Variants in ANKHD1 observed in about 807,000 individuals in gnomAD.
ANKHD1 encodes the protein ankyrin repeat and KH domain containing 1.
In ANKHD1, 31 loss-of-function variants were observed where a neutral mutation model predicts 230.5. The observed-to-expected ratio is 0.13, with a 90% confidence interval of 0.10 to 0.18. The LOEUF (loss-of-function observed/expected upper bound fraction) is 0.18. Among genes scored for constraint, ANKHD1 ranks in the 10% least tolerant of loss-of-function variants. The probability of loss-of-function intolerance (pLI) is 1.00; values close to 1 mark genes in which losing one functional copy is unlikely to be tolerated. For synonymous variants in ANKHD1, 1,074 were observed against 1,117.6 expected (o/e 0.96, Z 0.78); for missense variants, 2,256 against 3,071.3 (o/e 0.73, Z 6.27).
At position 140,527,047 on chromosome 5, in the gene ANKHD1, A is replaced by C; in HGVS notation, c.5060A>C (p.Glu1687Ala). Reference sequence around the variant, plus strand: ...AGCCCTAAAAGGGGTCAGAAAAGAGAAGAAGGGTGGAAAGAAGTTGTACGA... The same window carrying C: ...AGCCCTAAAAGGGGTCAGAAAAGAGCAGAAGGGTGGAAAGAAGTTGTACGA... The part of the protein sequence containing the change: ...LTSPKRGQKR[E>A]EGWKEVVRRS... Residue 1687 changes from glutamate to alanine, a missense_variant, in exon 27 of 34, where the codon GAA becomes GCA. Coordinates refer to ENST00000360839, the MANE Select transcript of ANKHD1 (RefSeq NM_017747.3). This position sits in a 1 kb window ranked among gnomAD's most constrained non-coding sequence, Gnocchi z 4.5. The C allele has an allele frequency of 6.2e-7, 1 of 1,613,274 alleles. No individual in the cohort carries two copies. The highest frequency in any genetic ancestry group is 8.5e-7 in the Non-Finnish European group (1 of 1,179,678).
In ANKHD1 at chr5:140,529,052, C is replaced by T; in HGVS notation, c.6106C>T (p.Gln2036Ter). 1 of 1,614,004 alleles carries T rather than the reference C, an allele frequency of 6.2e-7. No individual in the cohort carries two copies. ...PTKEKVSTQD[Q>*]PMANLCTPSS... ...CAAAGAGAAAGTGTCCACACAGGAC[C>T]AGCCCATGGCAAACCTATGTACCCC... The change falls in exon 29 of 34, where the codon CAG becomes TAG. Residue 2036 changes from glutamine (Q) to a stop codon, truncating the protein, a stop_gained. Coordinates refer to ENST00000360839, the MANE Select transcript of ANKHD1 (RefSeq NM_017747.3). LOFTEE classifies it high-confidence loss of function.
chr5:140,449,303 A>G lies in ANKHD1; in HGVS notation c.1240A>G (p.Met414Val), dbSNP rs761891561. 6 of 1,612,582 alleles carry G rather than the reference A, an allele frequency of 3.7e-6. No individual in the cohort carries two copies. The highest frequency in any genetic ancestry group is 5.1e-6 in the Non-Finnish European group (6 of 1,179,146). The stretch of plus-strand genomic sequence containing the variant: ...GCACACTGCCTTAATGGAGGCCTGC[A>G]TGGTAATTTTAAATTACACTCACTT... ...EMHTALMEAC[M>V]DGHVEVARLL... The change falls in exon 7 of 34, where the codon ATG becomes GTG. Residue 414 changes from methionine to valine, a missense_variant and splice_region_variant. Met to Val is a conservative substitution (Grantham distance 21). Coordinates refer to ENST00000360839, the MANE Select transcript of ANKHD1 (RefSeq NM_017747.3).
At chr5:140,523,132 GAGAC>G (rs1753435049) in intron 24 of ANKHD1, among the ~76,000 whole-genome samples, 2 of 82,522 alleles carry the variant, frequency 2.4e-5, no homozygotes, top group Middle Eastern at 0.01. Context: ...TTTTTTTTAA[GAGAC>G]AGGGTTTTAC....
At chr5:140,413,273 A>G (rs1257367097) in intron 1 of ANKHD1, among the ~76,000 whole-genome samples, 1 of 152,198 alleles carries the variant, frequency 6.6e-6, no homozygotes, top group Non-Finnish European at 1.5e-5. Context: ...TATCATTTTA[A>G]CCATTTTTTT....
At chr5:140,491,158 A>ATAT (rs1196965764) in intron 14 of ANKHD1, among the ~76,000 whole-genome samples, 1 of 83,414 alleles carries the variant, frequency 1.2e-5, no homozygotes, top group African/African-American at 5.3e-5. Context: ...ATATATATAT[A>ATAT]TATTTTTTTT....
intron 24 of ANKHD1, among the ~76,000 whole-genome samples, chr5:140,521,140 T>G (rs1753331434): frequency 6.6e-6 from 1 of 152,090 alleles, no homozygotes; most frequent in Non-Finnish European, 1.5e-5. Context: ...TAGCTTAACA[T>G]AAAAATATTT....
chr5:140,472,071 T>C (rs1581306552), intron 10 of ANKHD1, among the ~76,000 whole-genome samples: 2 of 152,306 alleles, frequency 1.3e-5, no homozygotes, highest in Middle Eastern at 3.4e-3. Context: ...TAAAAAAATT[T>C]ATACTCTGCT....
chr5:140,440,978 G>C lies in ANKHD1; in HGVS notation c.766-17G>C. ...GTAAGAATTAACAATTTCTCTGTCT[G>C]TATATGTGTTTTAAAGGTATTGCTT... On this transcript the variant is annotated splice_polypyrimidine_tract_variant and intron_variant, in intron 4 of 33. Coordinates refer to ENST00000360839, the MANE Select transcript of ANKHD1 (RefSeq NM_017747.3). 1 of 1,579,752 alleles carries C rather than the reference G, an allele frequency of 6.3e-7. No individual in the cohort carries two copies. The highest frequency in any genetic ancestry group is 8.6e-7 in the Non-Finnish European group (1 of 1,166,592).
At chr5:140,448,259 A>T (rs1024189779) in intron 6 of ANKHD1, among the ~76,000 whole-genome samples, 1 of 152,206 alleles carries the variant, frequency 6.6e-6, no homozygotes, top group African/African-American at 2.4e-5. Flanking sequence ...TGCCAAATAC[A>T]TCAAATAGAT....
At chr5:140,412,827 A>G (rs180740194) in intron 1 of ANKHD1, among the ~76,000 whole-genome samples, 14 of 152,358 alleles carry the variant, frequency 9.2e-5, no homozygotes, top group African/African-American at 2.9e-4. Flanking sequence ...TCTTCCTGCC[A>G]AGTTTACCTA....
intron 25 of ANKHD1, among the ~76,000 whole-genome samples, 183 bp downstream of exon 25, chr5:140,524,423 CAAG>C (rs1440547661): frequency 6.6e-6 from 1 of 152,078 alleles, no homozygotes; most frequent in African/African-American, 2.4e-5. Flanking sequence ...TGCAGAGAAA[CAAG>C]AGGGAAAACA....
At position 140,435,277 on chromosome 5, in the gene ANKHD1, TTTGTTG is replaced by T. The variant is rs547185638; in HGVS notation, c.307-803_307-798del. ...TTAATGACCTATCTATGCTATCAAG[TTTGTTG>T]TTGTTGTTGTTGTTGTTGTTGTTTG... is the stretch of plus-strand genomic sequence containing the variant. On this transcript the variant is annotated intron_variant, in intron 1 of 33. Coordinates refer to ENST00000360839, the MANE Select transcript of ANKHD1 (RefSeq NM_017747.3). Among the ~76,000 whole-genome samples, 381 of 151,684 alleles carry T rather than the reference TTTGTTG, an allele frequency of 2.5e-3. 3 individuals are homozygous for T. The highest frequency in any genetic ancestry group is 0.021 in the East Asian group (110 of 5,180).
In ANKHD1 at chr5:140,497,141, G is replaced by A; in HGVS notation, c.2867G>A (p.Gly956Asp). Residue 956 changes from glycine (G) to aspartate (D), a missense_variant, in exon 15 of 34, where the codon GGT becomes GAT. By Grantham distance (94) the Gly-to-Asp change is moderately conservative. Coordinates refer to ENST00000360839, the MANE Select transcript of ANKHD1 (RefSeq NM_017747.3). ...TNSLELQKVS[G>D]NQQIVGQPQI... is the part of the protein sequence containing the mutation. ...TCTCTTGAACTTCAGAAAGTATCAG[G>A]TAATCAGCAGATTGTAGGACAGCCT... 2 of 1,614,136 alleles carry A rather than the reference G, an allele frequency of 1.2e-6. No homozygotes were observed. The highest frequency in any genetic ancestry group is 1.7e-6 in the Non-Finnish European group (2 of 1,180,032).
At position 140,527,132 on chromosome 5, in the gene ANKHD1, G is replaced by A; in HGVS notation, c.5087+58G>A. ...CATATATTTTCCCTTTCTCATGTGA[G>A]ATGGCTACCTAGTTAATTAATGAAT... On this transcript the variant is annotated intron_variant, in intron 27 of 33. Transcript: ENST00000360839. The surrounding 1 kb of genome is among the most constrained non-coding windows in gnomAD (Gnocchi z 4.5). 6.6e-7 allele frequency: 1 copy of A among 1,526,632 alleles called. No individual in the cohort carries two copies. Among genetic ancestry groups the A allele is most frequent in the Non-Finnish European group, 8.8e-7 (1 of 1,135,526 alleles). The allele number at this position is 1,526,632 out of a possible 1,614,324, so 94.6% of individuals were successfully genotyped here. A position where few individuals can be genotyped will look rare whatever the true frequency, so the allele number is the denominator to read the frequency against.
chr5:140,457,598 A>T (rs1185692963), intron 7 of ANKHD1, among the ~76,000 whole-genome samples: 2 of 152,160 alleles, frequency 1.3e-5, no homozygotes, highest in East Asian at 3.9e-4. Flanking sequence ...GCAAACTATC[A>T]CAAGAACAAA....
chr5:140,489,199 A>G (rs1399172349), intron 14 of ANKHD1, among the ~76,000 whole-genome samples: 1 of 151,892 alleles, frequency 6.6e-6, no homozygotes, highest in Admixed American at 6.6e-5. Flanking sequence ...CCAAAAAAAA[A>G]AAAAACCAGA....
chr5:140,412,529 TA>T (rs1178696830), intron 1 of ANKHD1, among the ~76,000 whole-genome samples: 1 of 152,260 alleles, frequency 6.6e-6, no homozygotes, highest in African/African-American at 2.4e-5. Context: ...CACTAGAGTA[TA>T]GGGGGAGCAC....
intron 1 of ANKHD1, among the ~76,000 whole-genome samples, chr5:140,405,735 C>T (rs1302872908): frequency 6.6e-6 from 1 of 152,084 alleles, no homozygotes; most frequent in African/African-American, 2.4e-5. Context: ...TGGGTTCAAG[C>T]GATTCTTCTG....
chr5:140,518,063 AAAG>A (rs1279819766), intron 24 of ANKHD1, among the ~76,000 whole-genome samples: 1 of 152,226 alleles, frequency 6.6e-6, no homozygotes, highest in East Asian at 1.9e-4. Flanking sequence ...ATAAAGAAAA[AAAG>A]AAGAATCAAA....
Sources: gnomAD v4.1 joint callset for allele counts (sites outside exome capture counted in the v4.1 genomes callset) on GRCh38, gnomAD v4.1.1 for gene constraint, Gnocchi (gnomAD v3.1) non-coding constraint, MANE v1.5 for transcripts, NCBI Gene and HGNC (gene_info 2026-07-23, HGNC 2026-07-21) for gene names.